The following BTC variants were observed in gnomAD, a reference collection of about 807,000 sequenced individuals.
The protein encoded by BTC is probetacellulin.
In BTC, 13 loss-of-function variants were observed where a neutral mutation model predicts 18.1. That is an observed-to-expected ratio of 0.72 (90% CI 0.47 to 1.14). BTC has a LOEUF of 1.14. Ranked by LOEUF, BTC falls within the 50% of genes most tolerant of loss-of-function variation. The probability of loss-of-function intolerance (pLI) is 0.00; values close to 1 mark genes in which losing one functional copy is unlikely to be tolerated. For synonymous variants in BTC, 83 were observed against 79.4 expected (o/e 1.05, Z -0.24); for missense variants, 247 against 224.2 (o/e 1.10, Z -0.65).
chr4:74,788,688 T>C (rs1725545138), intron 1 of BTC, among the ~76,000 whole-genome samples: 1 of 152,196 alleles, frequency 6.6e-6, no homozygotes, highest in South Asian at 2.1e-4. Flanking sequence ...TGATAGTACT[T>C]TTCATCAACC....
chr4:74,779,030 C>A (rs146122763), intron 1 of BTC, among the ~76,000 whole-genome samples: 172 of 152,102 alleles, frequency 1.1e-3, no homozygotes, highest in African/African-American at 3.9e-3. Context: ...GCATGGGAAG[C>A]AGAGACAGGA....
chr4:74,772,011 G>C (rs1281171791), intron 1 of BTC, among the ~76,000 whole-genome samples: 1 of 152,184 alleles, frequency 6.6e-6, no homozygotes, highest in Non-Finnish European at 1.5e-5. Flanking sequence ...AACATCTTGT[G>C]TTCCTAAATA....
At chr4:74,762,619 G>A (rs1724790747) in intron 2 of BTC, among the ~76,000 whole-genome samples, 1 of 152,064 alleles carries the variant, frequency 6.6e-6, no homozygotes. Context: ...AAAAAGTGAA[G>A]AGGGAAGGAG....
intron 1 of BTC, among the ~76,000 whole-genome samples, chr4:74,771,467 G>A (rs888473074): frequency 2.0e-5 from 3 of 152,140 alleles, no homozygotes; most frequent in Non-Finnish European, 2.9e-5. Context: ...CAGGTGAATA[G>A]GATGTGCTAG....
At chr4:74,775,380 T>C (rs1725149295) in intron 1 of BTC, among the ~76,000 whole-genome samples, 5 of 152,138 alleles carry the variant, frequency 3.3e-5, no homozygotes, top group Admixed American at 2.0e-4. Flanking sequence ...TGGGAAAGCA[T>C]GAATTGTATT....
At chr4:74,780,664 A>G (rs1725293608) in intron 1 of BTC, among the ~76,000 whole-genome samples, 1 of 152,166 alleles carries the variant, frequency 6.6e-6, no homozygotes, top group South Asian at 2.1e-4. Flanking sequence ...CGTCATCCTT[A>G]TTTTAATAGA....
At chr4:74,755,824 C>A in intron 3 of BTC, 35 bp downstream of exon 3, 1 of 1,594,162 alleles carries the variant, frequency 6.3e-7, no homozygotes, top group Non-Finnish European at 8.6e-7. Flanking sequence ...CCATTCTGCA[C>A]CCTTTTGCTT....
chr4:74,768,084 G>A (rs993906162), intron 2 of BTC, among the ~76,000 whole-genome samples: 1 of 152,092 alleles, frequency 6.6e-6, no homozygotes, highest in Non-Finnish European at 1.5e-5. Context: ...CAGAGTTTGG[G>A]CTGTGCAGAG....
chr4:74,752,958 C>T (rs1724504516), intron 3 of BTC, among the ~76,000 whole-genome samples: 1 of 151,906 alleles, frequency 6.6e-6, no homozygotes, highest in South Asian at 2.1e-4. Flanking sequence ...TAAGTTGTAC[C>T]CCAGTGAATC....
In BTC at chr4:74,776,489, G is replaced by C. The variant is rs188926327; in HGVS notation, c.65-6333C>G. Among the ~76,000 whole-genome samples, 171 of 152,246 alleles carry C rather than the reference G, an allele frequency of 1.1e-3. 2 individuals carry two copies. The highest frequency in any genetic ancestry group is 9.8e-4 in the Admixed American group (15 of 15,282). Reference sequence around the variant, plus strand: ...GGAAAAGAAATCCAATTGTACTTCAGTGAATCAAGGCTGTATTTATTTTTA... The same window carrying C: ...GGAAAAGAAATCCAATTGTACTTCACTGAATCAAGGCTGTATTTATTTTTA... On this transcript the variant is annotated intron_variant, in intron 1 of 5. Coordinates refer to ENST00000395743, the MANE Select transcript of BTC (RefSeq NM_001729.4).
chr4:74,766,972 A>C (rs1724917242), intron 2 of BTC, among the ~76,000 whole-genome samples: 1 of 152,106 alleles, frequency 6.6e-6, no homozygotes, highest in Non-Finnish European at 1.5e-5. Context: ...ATGGTACTTA[A>C]TGGTAAAAAA....
intron 1 of BTC, among the ~76,000 whole-genome samples, chr4:74,780,321 G>A (rs1349971010): frequency 6.6e-6 from 1 of 152,134 alleles, no homozygotes; most frequent in African/African-American, 2.4e-5. Context: ...GTATTTAACA[G>A]CGAAGACAAA....
intron 1 of BTC, among the ~76,000 whole-genome samples, chr4:74,774,855 C>T (rs1725136141): frequency 6.6e-6 from 1 of 151,796 alleles, no homozygotes; most frequent in East Asian, 1.9e-4. Flanking sequence ...TTTGAAAAGA[C>T]TACTTTAATA....
At chr4:74,782,064 T>A (rs906816937) in intron 1 of BTC, among the ~76,000 whole-genome samples, 1 of 152,194 alleles carries the variant, frequency 6.6e-6, no homozygotes, top group African/African-American at 2.4e-5. Flanking sequence ...GACCCTGAAA[T>A]TATAATCAGT....
At chr4:74,769,832 C>T (rs905449142) in intron 2 of BTC, among the ~76,000 whole-genome samples, 7 of 152,014 alleles carry the variant, frequency 4.6e-5, no homozygotes, top group South Asian at 2.1e-4. Context: ...AGCTGTATGA[C>T]CTTTGGCAAG....
chr4:74,773,947 A>G (rs181195930), intron 1 of BTC, among the ~76,000 whole-genome samples: 216 of 150,316 alleles, frequency 1.4e-3, no homozygotes, highest in Non-Finnish European at 2.7e-3. Flanking sequence ...TATAATATGT[A>G]CAACAACGAT....
In BTC at chr4:74,748,168, G is replaced by T; in HGVS notation, c.429-19C>A. 2 of 1,489,304 alleles carry T rather than the reference G, an allele frequency of 1.3e-6. No homozygotes were observed. The highest frequency in any genetic ancestry group is 9.3e-7 in the Non-Finnish European group (1 of 1,076,776). 92.3% of individuals were successfully genotyped at this position (1,489,304 alleles called of 1,614,324 possible). Reference sequence around the variant, plus strand: ...AAGAGGGCTTGGAAAATACGTGTTAGAAGTTAGTATGGGCCTAGTAGTTCA... The same window carrying T: ...AAGAGGGCTTGGAAAATACGTGTTATAAGTTAGTATGGGCCTAGTAGTTCA... On this transcript the variant is annotated intron_variant, in intron 4 of 5. Transcript: ENST00000395743.
chr4:74,794,244 C>G lies in BTC; in HGVS notation c.64+18G>C. 3 of 1,550,116 alleles carry G rather than the reference C, an allele frequency of 1.9e-6. No homozygotes were observed. The highest frequency in any genetic ancestry group is 2.6e-6 in the Non-Finnish European group (3 of 1,146,782). ...CAGACTTTCCTCCTGGTTTCCAGTG[C>G]CCAGCACGGCCACTTACCCAGGGCA... On this transcript the variant is annotated intron_variant, in intron 1 of 5. Coordinates refer to ENST00000395743, the MANE Select transcript of BTC (RefSeq NM_001729.4).
Position 74,794,431 on chromosome 4 carries a change from G to A in BTC, c.-106C>T. On this transcript the variant is annotated 5_prime_UTR_variant, in exon 1 of 6. Transcript: ENST00000395743. ...AGAGGGTGCCTGGAAACTAATCCCGGAGGCAGAAGGAAACGAAACTACTTC... is the reference window on the plus strand; with the variant it reads ...AGAGGGTGCCTGGAAACTAATCCCGAAGGCAGAAGGAAACGAAACTACTTC... The A allele has an allele frequency of 1.6e-6, 2 of 1,248,138 alleles. No homozygotes were observed. The highest frequency in any genetic ancestry group is 3.2e-5 in the South Asian group (2 of 63,134). The allele number at this position is 1,248,138 out of a possible 1,614,324, so 77.3% of individuals were successfully genotyped here. A position where few individuals can be genotyped will look rare whatever the true frequency, so the allele number is the denominator to read the frequency against.
Sources: allele counts gnomAD v4.1 joint callset (sites outside exome capture counted in the v4.1 genomes callset), GRCh38; gene constraint gnomAD v4.1.1; transcripts MANE v1.5; gene names NCBI Gene and HGNC (gene_info 2026-07-23, HGNC 2026-07-21).